The following CDC14A variants were observed in gnomAD, a reference collection of about 807,000 sequenced individuals.
CDC14A encodes cell division cycle 14A, also known as dual specificity protein phosphatase CDC14A.
CDC14A carries 53 observed loss-of-function variants against 74.4 expected under a neutral mutation model. The observed-to-expected ratio is 0.71, with a 90% confidence interval of 0.57 to 0.89. The LOEUF (loss-of-function observed/expected upper bound fraction) is 0.89. Ranked by LOEUF, CDC14A falls within the 40% of genes least tolerant of loss-of-function variation. The pLI is 0.00. For synonymous variants in CDC14A, 247 were observed against 258.4 expected, an observed-to-expected ratio of 0.96 and a Z score of 0.43; for missense variants, 646 against 713.7, an observed-to-expected ratio of 0.91 and a Z score of 1.08.
chr1:100,379,262 A>G (rs1557696842), intron 3 of CDC14A, among the ~76,000 whole-genome samples: 1 of 152,188 alleles, frequency 6.6e-6, no homozygotes, highest in East Asian at 1.9e-4. Flanking sequence ...TATGGTAAGT[A>G]TATGTATGTA....
chr1:100,480,312 A>G (rs934817897), intron 10 of CDC14A, among the ~76,000 whole-genome samples: 1 of 152,228 alleles, frequency 6.6e-6, no homozygotes, highest in African/African-American at 2.4e-5. Flanking sequence ...TCCATGTTGT[A>G]ACATGTATCA....
chr1:100,408,660 C>T (rs187361890), intron 4 of CDC14A, among the ~76,000 whole-genome samples: 4 of 152,198 alleles, frequency 2.6e-5, no homozygotes, highest in African/African-American at 7.2e-5. Context: ...TTACATTTCT[C>T]TAATGATCAG....
At chr1:100,504,996 A>G in intron 15 of CDC14A, 6 of 1,365,540 alleles carry the variant, frequency 4.4e-6, no homozygotes, top group Non-Finnish European at 5.9e-6. Context: ...TATTATATAC[A>G]TGAACATCTA....
rs1407773928 is a variant in CDC14A, at chr1:100,519,809, AAAG to A, written c.*1530_*1532del. The stretch of plus-strand genomic sequence containing the variant: ...ATTATGTATCTTTTCTAAAGTTAAA[AAAG>A]TAAAATATTTTATTATGAGTTATTA... On this transcript the variant is annotated 3_prime_UTR_variant, in exon 16 of 16. Coordinates refer to ENST00000336454, the MANE Select transcript of CDC14A (RefSeq NM_003672.4). 6.8e-6 allele frequency: 1 copy of A among 147,626 alleles called. No homozygotes were observed. Among genetic ancestry groups the A allele is most frequent in the Admixed American group, 6.6e-5 (1 of 15,098 alleles). 9.1% of individuals were successfully genotyped at this position (147,626 alleles called of 1,614,324 possible).
chr1:100,463,454 TAA>T (rs1261151624), intron 9 of CDC14A, among the ~76,000 whole-genome samples: 3 of 152,146 alleles, frequency 2.0e-5, no homozygotes, highest in Non-Finnish European at 4.4e-5. Context: ...GGAATAAACT[TAA>T]AGAGTTTGTT....
In CDC14A at chr1:100,494,493, T is replaced by C. The variant is rs550554188; in HGVS notation, c.1138-325T>C. ...TTTGTACTGCATCTGTGGGCCCTTC[T>C]GTATCTAGGCTATATTCCAACGTAT... On this transcript the variant is annotated intron_variant, in intron 11 of 15. Transcript: ENST00000336454. Among the ~76,000 whole-genome samples the C allele has an allele frequency of 5.3e-5, 8 of 152,358 alleles. No individual in the cohort carries two copies. The South Asian group carries it at 1.7e-3, about 32-fold the overall frequency.
exon 1 of CDC14A, chr1:100,345,102 T>A (rs1570916027): frequency 6.6e-6 from 1 of 152,256 alleles, no homozygotes; most frequent in South Asian, 2.1e-4. Flanking sequence ...GACAGGCATA[T>A]CATCACAGGC....
intron 11 of CDC14A, among the ~76,000 whole-genome samples, chr1:100,489,373 T>C (rs1670383441): frequency 6.6e-6 from 1 of 152,236 alleles, no homozygotes; most frequent in African/African-American, 2.4e-5. Flanking sequence ...CCTAGTGTGC[T>C]ATATTCTATC....
In CDC14A at chr1:100,424,269, G is replaced by T. The variant is rs184524418; in HGVS notation, c.357G>T (p.Leu119=). Residue 119 remains leucine (L), a synonymous_variant, in exon 5 of 16, where the codon CTG becomes CTT. Transcript: ENST00000336454. ...CAGAAGAAGCCTACAGAGCACTCCT[G>T]TCTGGCTCAAACCCCCCCTATCTTC... ...KTPEEAYRAL[L]SGSNPPYLPF... The T allele has an allele frequency of 1.9e-6, 3 of 1,613,580 alleles. No individual in the cohort carries two copies. The highest frequency in any genetic ancestry group is 2.2e-5 in the South Asian group (2 of 91,074).
At chr1:100,471,954 A>T (rs1371038849) in intron 10 of CDC14A, among the ~76,000 whole-genome samples, 1 of 152,180 alleles carries the variant, frequency 6.6e-6, no homozygotes, top group Non-Finnish European at 1.5e-5. Context: ...TAAGTGGTAC[A>T]TGGAAAGCAT....
chr1:100,434,188 A>G (rs1294368808), intron 5 of CDC14A, among the ~76,000 whole-genome samples: 2 of 152,216 alleles, frequency 1.3e-5, no homozygotes, highest in Non-Finnish European at 2.9e-5. Context: ...TAATAGCTGT[A>G]TAGTTCAGTT....
chr1:100,488,744 T>C (rs1045523782), intron 11 of CDC14A, among the ~76,000 whole-genome samples: 2 of 152,212 alleles, frequency 1.3e-5, no homozygotes, highest in South Asian at 2.1e-4. Context: ...CTTTGAGACA[T>C]TGTGATTTAT....
At chr1:100,378,605 T>C (rs1201992226) in intron 3 of CDC14A, among the ~76,000 whole-genome samples, 3 of 152,212 alleles carry the variant, frequency 2.0e-5, no homozygotes, top group Non-Finnish European at 2.9e-5. Flanking sequence ...CTTATGAATT[T>C]ACAAATTTTT....
At chr1:100,357,465 G>A (rs1437039189) in intron 2 of CDC14A, among the ~76,000 whole-genome samples, 2 of 152,116 alleles carry the variant, frequency 1.3e-5, no homozygotes, top group African/African-American at 4.8e-5. Context: ...CTAGTAACCC[G>A]GGCTCTGTCT....
At chr1:100,361,170 T>A (rs906706320) in intron 2 of CDC14A, among the ~76,000 whole-genome samples, 2 of 151,982 alleles carry the variant, frequency 1.3e-5, no homozygotes, top group Non-Finnish European at 2.9e-5. Context: ...CACAAAACTC[T>A]TGACACATTT....
At chr1:100,417,079 T>C (rs1468430668) in intron 4 of CDC14A, among the ~76,000 whole-genome samples, 1 of 152,142 alleles carries the variant, frequency 6.6e-6, no homozygotes, top group Admixed American at 6.6e-5. Context: ...CTCAATCAAA[T>C]AACCACAGAA....
At chr1:100,378,048 T>C (rs1377630974) in intron 3 of CDC14A, among the ~76,000 whole-genome samples, 3 of 150,814 alleles carry the variant, frequency 2.0e-5, no homozygotes, top group Non-Finnish European at 4.4e-5. Context: ...TTGAAATTTT[T>C]TGCATGTTTC....
chr1:100,387,874 CA>C (rs1172174131), intron 3 of CDC14A, among the ~76,000 whole-genome samples: 2 of 151,956 alleles, frequency 1.3e-5, no homozygotes, highest in East Asian at 1.9e-4. Flanking sequence ...CAACCCCCTC[CA>C]AAAAAACCCA....
At chr1:100,460,073 T>A (rs1344716315) in intron 8 of CDC14A, among the ~76,000 whole-genome samples, 1 of 152,184 alleles carries the variant, frequency 6.6e-6, no homozygotes, top group Non-Finnish European at 1.5e-5. Flanking sequence ...TAGCTGTATG[T>A]GTACGGGCCA....
Sources: allele counts gnomAD v4.1 joint callset (sites outside exome capture counted in the v4.1 genomes callset), GRCh38; gene constraint gnomAD v4.1.1; transcripts MANE v1.5; gene names NCBI Gene and HGNC (gene_info 2026-07-23, HGNC 2026-07-21).